The following TAFA2 variants were observed in gnomAD, a reference collection of about 807,000 sequenced individuals.
The protein encoded by TAFA2 is chemokine-like protein TAFA-2.
A neutral mutation model predicts 18.8 loss-of-function variants in TAFA2; 7 were observed. That is an observed-to-expected ratio of 0.37 (90% CI 0.21 to 0.70). The LOEUF is 0.70. Among genes scored for constraint, TAFA2 ranks in the 30% least tolerant of loss-of-function variants. The probability of loss-of-function intolerance (pLI) is 0.53; values close to 1 mark genes in which losing one functional copy is unlikely to be tolerated. For missense variants in TAFA2, 122 were observed against 158.1 expected, an observed-to-expected ratio of 0.77 and a Z score of 1.23; for synonymous variants, 60 against 54.2, an observed-to-expected ratio of 1.11 and a Z score of -0.47.
intron 1 of TAFA2, among the ~76,000 whole-genome samples, chr12:61,994,553 A>G (rs1880118900): frequency 6.6e-6 from 1 of 152,134 alleles, no homozygotes; most frequent in South Asian, 2.1e-4. Flanking sequence ...AAGAGTTTCT[A>G]AATAAAATAC....
chr12:62,103,649 G>A (rs1869307720), intron 1 of TAFA2, among the ~76,000 whole-genome samples: 2 of 152,022 alleles, frequency 1.3e-5, no homozygotes. Flanking sequence ...CCTGAGGCAG[G>A]AGAACCGCTT....
At chr12:61,963,679 A>G (rs1461545959) in intron 1 of TAFA2, among the ~76,000 whole-genome samples, 1 of 151,962 alleles carries the variant, frequency 6.6e-6, no homozygotes, top group African/African-American at 2.4e-5. Flanking sequence ...ATTCGATGCT[A>G]TCCCCATCAA....
intron 2 of TAFA2, among the ~76,000 whole-genome samples, chr12:61,756,051 C>A (rs1352209149): frequency 2.0e-5 from 3 of 151,788 alleles, no homozygotes; most frequent in African/African-American, 7.2e-5. Context: ...TAAGGAGACC[C>A]ATTGCAAATG....
chr12:62,112,529 C>T (rs1197034999), intron 1 of TAFA2, among the ~76,000 whole-genome samples: 2 of 152,064 alleles, frequency 1.3e-5, no homozygotes, highest in African/African-American at 2.4e-5. Flanking sequence ...TGAATGTTGG[C>T]CTGTCTTTCT....
In TAFA2 at chr12:61,867,313, A is replaced by C. The variant is rs770963002; in HGVS notation, c.106+7T>G. 7 of 1,548,190 alleles carry C rather than the reference A, an allele frequency of 4.5e-6. No homozygotes were observed. In the East Asian group the frequency reaches 1.6e-4, roughly 35 times the overall value. On this transcript the variant is annotated splice_region_variant and intron_variant, in intron 2 of 4. Transcript: ENST00000416284. ...ATTTAGTTGAAAAAAAAAACAGAAA[A>C]GCTTACCTTTATGATGGTTTGCACT...
At chr12:62,093,983 G>A (rs1868834611) in intron 1 of TAFA2, among the ~76,000 whole-genome samples, 1 of 152,004 alleles carries the variant, frequency 6.6e-6, no homozygotes, top group Non-Finnish European at 1.5e-5. Context: ...ACTGAAGCAA[G>A]GTTAAAATGA....
intron 2 of TAFA2, among the ~76,000 whole-genome samples, chr12:61,807,100 G>C (rs565963320): frequency 6.8e-6 from 1 of 147,554 alleles, no homozygotes; most frequent in Non-Finnish European, 1.5e-5. Context: ...TCCAGGGCAT[G>C]TCAGACGTCT....
intron 1 of TAFA2, among the ~76,000 whole-genome samples, chr12:62,064,081 G>T (rs1882424501): frequency 6.6e-6 from 1 of 152,032 alleles, no homozygotes; most frequent in African/African-American, 2.4e-5. Flanking sequence ...TCATTTTAGA[G>T]ATGAGAAAAC....
intron 1 of TAFA2, among the ~76,000 whole-genome samples, chr12:62,064,099 CA>C (rs1011796557): frequency 9.2e-5 from 14 of 152,080 alleles, no homozygotes; most frequent in South Asian, 4.1e-4. Flanking sequence ...AACTGAGGCT[CA>C]GGGGGAAATT....
At chr12:62,081,120 G>A (rs948424196) in intron 1 of TAFA2, among the ~76,000 whole-genome samples, 1 of 152,100 alleles carries the variant, frequency 6.6e-6, no homozygotes, top group African/African-American at 2.4e-5. Context: ...GCGTGAACCC[G>A]GGAGGTGGAG....
intron 2 of TAFA2, among the ~76,000 whole-genome samples, chr12:61,818,115 C>G (rs935132053): frequency 1.3e-5 from 2 of 152,166 alleles, no homozygotes; most frequent in African/African-American, 4.8e-5. Context: ...TTGGGACTTT[C>G]AGCTGATCGA....
intron 1 of TAFA2, among the ~76,000 whole-genome samples, chr12:62,009,458 G>A (rs1880659685): frequency 6.6e-6 from 1 of 152,160 alleles, no homozygotes; most frequent in Non-Finnish European, 1.5e-5. Context: ...AGAGCGGACA[G>A]AAGATATAAC....
intron 2 of TAFA2, among the ~76,000 whole-genome samples, chr12:61,781,825 T>C (rs1418253883): frequency 2.0e-5 from 3 of 151,618 alleles, no homozygotes; most frequent in Admixed American, 6.6e-5. Flanking sequence ...TAAGCCAAAA[T>C]AACAGCAATT....
chr12:61,868,607 A>G (rs968916434), intron 1 of TAFA2, among the ~76,000 whole-genome samples: 4 of 152,104 alleles, frequency 2.6e-5, no homozygotes, highest in African/African-American at 4.8e-5. Flanking sequence ...TTCTATCTCC[A>G]AAAATGTGAC....
At chr12:62,183,533 G>A (rs1268457849) in intron 1 of TAFA2, among the ~76,000 whole-genome samples, 2 of 152,066 alleles carry the variant, frequency 1.3e-5, no homozygotes, top group Non-Finnish European at 2.9e-5. Flanking sequence ...ACAGGCACTT[G>A]CCACCATGCC....
At chr12:61,992,438 C>T (rs965917491) in intron 1 of TAFA2, among the ~76,000 whole-genome samples, 2 of 152,160 alleles carry the variant, frequency 1.3e-5, no homozygotes, top group East Asian at 3.9e-4. Context: ...ACAGCTTCCA[C>T]CACTCCCTAA....
At chr12:61,960,775 C>CA (rs34080993) in intron 1 of TAFA2, among the ~76,000 whole-genome samples, 107,626 of 145,678 alleles carry the variant, frequency 0.74, 39,659 homozygotes, top group South Asian at 0.83. Flanking sequence ...CCTATTTCAC[C>CA]AAAAAAAAAA....
chr12:62,055,491 T>C (rs1882165310), intron 1 of TAFA2, among the ~76,000 whole-genome samples: 1 of 152,202 alleles, frequency 6.6e-6, no homozygotes. Context: ...AGAATTAAAC[T>C]TATCAAAGAT....
chr12:61,997,290 T>C (rs1880229868), intron 1 of TAFA2, among the ~76,000 whole-genome samples: 2 of 151,782 alleles, frequency 1.3e-5, no homozygotes, highest in South Asian at 4.2e-4. Flanking sequence ...AAGGGTTCTA[T>C]AGAAAAGCGA....
Sources: gnomAD v4.1 joint callset for allele counts (sites outside exome capture counted in the v4.1 genomes callset) on GRCh38, gnomAD v4.1.1 for gene constraint, MANE v1.5 for transcripts, NCBI Gene and HGNC (gene_info 2026-07-23, HGNC 2026-07-21) for gene names.